ZFYVE19: variants seen among roughly 807,000 people sequenced by gnomAD.
ZFYVE19 encodes the protein zinc finger FYVE-type containing 19.
Under a neutral mutation model 62.8 loss-of-function variants are expected in ZFYVE19, and 49 were observed. That is an observed-to-expected ratio of 0.78 (90% CI 0.62 to 0.99). The LOEUF is 0.99. Ranked by LOEUF, ZFYVE19 falls within the 50% of genes least tolerant of loss-of-function variation. ZFYVE19 has a pLI of 0.00. For missense variants in ZFYVE19, 630 were observed against 601.9 expected (o/e 1.05, Z -0.49); for synonymous variants, 242 against 234.3 (o/e 1.03, Z -0.30).
chr15:40,812,614 AG>A, intron 6 of ZFYVE19, 84 bp from the exon 7 acceptor site: 4 of 962,760 alleles, frequency 4.2e-6, no homozygotes, highest in Non-Finnish European at 6.2e-6. Flanking sequence ...GAAAAAGAAA[AG>A]AAAAGGTTGA....
In ZFYVE19 at chr15:40,807,516, A is replaced by G; in HGVS notation, c.-74A>G. ...GCGCGCGTGAGGACTGCAGGCTCCG[A>G]GCGGCGCCTAGCCCTCTGGGAATTG... On this transcript the variant is annotated 5_prime_UTR_variant, in exon 1 of 11. Transcript: ENST00000355341. The G allele has an allele frequency of 6.2e-7, 1 of 1,606,908 alleles. No homozygotes were observed.
rs764702132 is a variant in ZFYVE19, at chr15:40,810,058, A to G, written c.572-13A>G. The G allele has an allele frequency of 6.8e-6, 11 of 1,614,048 alleles. No homozygotes were observed. Among genetic ancestry groups the G allele is most frequent in the Non-Finnish European group, 8.5e-6 (10 of 1,180,032 alleles). On this transcript the variant is annotated splice_polypyrimidine_tract_variant and intron_variant, in intron 4 of 10. Coordinates refer to ENST00000355341, the MANE Select transcript of ZFYVE19 (RefSeq NM_001077268.2). ...CTCTGGCCCTTACAAGGCTCCCCCC[A>G]TGCCAATTGCAGAGTTAGTCCCCTC... is the stretch of plus-strand genomic sequence containing the variant.
intron 5 of ZFYVE19, 49 bp downstream of exon 5, chr15:40,810,265 CA>C (rs1566837554): frequency 6.2e-7 from 1 of 1,603,676 alleles, no homozygotes; most frequent in Admixed American, 1.7e-5. Context: ...CGGGAGGACC[CA>C]GCAGAAGCCC....
Position 40,809,240 on chromosome 15 carries a change from G to C in ZFYVE19, c.401G>C (p.Arg134Thr). Residue 134 changes from arginine to threonine, a missense_variant and splice_region_variant, in exon 2 of 11, where the codon AGA becomes ACA. Arg to Thr is a moderately conservative substitution (Grantham distance 71, BLOSUM62 -1). Transcript: ENST00000355341. Reference protein sequence around the residue: ...VCKQCHEVLTRGSSANASKWS... With the variant: ...VCKQCHEVLTTGSSANASKWS... ...AAGCAATGCCATGAGGTCCTGACCAGGTAAGAGGCAGGCATGGGTGAAAGT... is the reference window on the plus strand; with the variant it reads ...AAGCAATGCCATGAGGTCCTGACCACGTAAGAGGCAGGCATGGGTGAAAGT... 2 of 1,614,112 alleles carry C rather than the reference G, an allele frequency of 1.2e-6. No individual in the cohort carries two copies. The highest frequency in any genetic ancestry group is 1.7e-6 in the Non-Finnish European group (2 of 1,179,986).
At position 40,807,757 on chromosome 15, in the gene ZFYVE19, C is replaced by T; in HGVS notation, c.168C>T (p.Gly56=). 3.1e-6 allele frequency: 5 copies of T among 1,588,114 alleles called. No individual in the cohort carries two copies. The highest frequency in any genetic ancestry group is 1.1e-5 in the South Asian group (1 of 88,466). ...GGAGCTGGGGTGAGGGTCCAAGGGG[C>T]CCAGGACTTGGCCGGCGTGATCTCA... ...EGRSWGEGPR[G]PGLGRRDLSS... Residue 56 remains glycine, a synonymous_variant, in exon 1 of 11, where the codon GGC becomes GGT. Coordinates refer to ENST00000355341, the MANE Select transcript of ZFYVE19 (RefSeq NM_001077268.2).
intron 1 of ZFYVE19, 63 bp from the exon 2 acceptor site, chr15:40,809,056 G>C: frequency 6.3e-7 from 1 of 1,598,592 alleles, no homozygotes; most frequent in Middle Eastern, 1.7e-4. Flanking sequence ...TGCTTGGAGA[G>C]TCCCTGGGAG....
intron 6 of ZFYVE19, among the ~76,000 whole-genome samples, chr15:40,812,417 G>T (rs1199030594): frequency 6.6e-6 from 1 of 151,804 alleles, no homozygotes; most frequent in East Asian, 1.9e-4. Context: ...ATGGTGTCAC[G>T]TGCCTGTAAT....
At chr15:40,811,849 C>T (rs1890497877) in intron 6 of ZFYVE19, among the ~76,000 whole-genome samples, 1 of 152,190 alleles carries the variant, frequency 6.6e-6, no homozygotes, top group Non-Finnish European at 1.5e-5. Flanking sequence ...TGATTTTAAA[C>T]CTCTTGCTCT....
Position 40,810,057 on chromosome 15 carries a change from C to G in ZFYVE19, c.572-14C>G, listed in dbSNP as rs377215862. On this transcript the variant is annotated splice_polypyrimidine_tract_variant and intron_variant, in intron 4 of 10. Coordinates refer to ENST00000355341, the MANE Select transcript of ZFYVE19 (RefSeq NM_001077268.2). ...CCTCTGGCCCTTACAAGGCTCCCCC[C>G]ATGCCAATTGCAGAGTTAGTCCCCT... The G allele has an allele frequency of 1.5e-4, 247 of 1,614,160 alleles. 2 individuals are homozygous for G. The highest frequency in any genetic ancestry group is 7.8e-5 in the Non-Finnish European group (92 of 1,180,008).
intron 1 of ZFYVE19, chr15:40,808,398 T>C: frequency 1.9e-6 from 3 of 1,594,760 alleles, no homozygotes; most frequent in Non-Finnish European, 2.5e-6. Context: ...GCCTCAGTTG[T>C]GGCCAGGGAT....
chr15:40,812,425 A>G (rs1430445434), intron 6 of ZFYVE19, among the ~76,000 whole-genome samples: 1 of 151,948 alleles, frequency 6.6e-6, no homozygotes, highest in East Asian at 1.9e-4. Context: ...ACGTGCCTGT[A>G]ATCCCAGTTA....
At position 40,814,019 on chromosome 15, in the gene ZFYVE19, C is replaced by T. The variant is rs1890588699; in HGVS notation, c.1286C>T (p.Thr429Ile). 6.2e-7 allele frequency: 1 copy of T among 1,614,036 alleles called. No individual in the cohort carries two copies. Among genetic ancestry groups the T allele is most frequent in the African/African-American group, 1.3e-5 (1 of 75,058 alleles). ...PWCCICNEDATLRCAGCDGDL... is the reference protein window; with the variant it reads ...PWCCICNEDAILRCAGCDGDL... ...TGCTGCATCTGCAATGAGGATGCCA[C>T]CCTACGCTGCGCTGGCTGCGATGGG... The change falls in exon 10 of 11, where the codon ACC becomes ATC. Residue 429 changes from threonine (T) to isoleucine (I), a missense_variant. By Grantham distance (89) the Thr-to-Ile change is moderately conservative. Coordinates refer to ENST00000355341, the MANE Select transcript of ZFYVE19 (RefSeq NM_001077268.2).
rs1890286864 is a variant in ZFYVE19 at position 40,807,556 on chromosome 15, C to T, written c.-34C>T. ...TCTGGGAATTGTGTTCTGGGTCAGG[C>T]TTGACTGACTCTGAGGGAGGCCGGC... On this transcript the variant is annotated 5_prime_UTR_variant, in exon 1 of 11. Coordinates refer to ENST00000355341, the MANE Select transcript of ZFYVE19 (RefSeq NM_001077268.2). 1.2e-6 allele frequency: 2 copies of T among 1,606,440 alleles called. No individual in the cohort carries two copies. Among genetic ancestry groups the T allele is most frequent in the Non-Finnish European group, 1.7e-6 (2 of 1,175,708 alleles).
chr15:40,809,010 C>T, intron 1 of ZFYVE19, 109 bp from the exon 2 acceptor site: 2 of 1,514,300 alleles, frequency 1.3e-6, no homozygotes, highest in South Asian at 2.5e-5. Flanking sequence ...TTCCTCCCAG[C>T]AGCTGGTCAT....
Position 40,813,721 on chromosome 15 carries a change from A to C in ZFYVE19, c.1119A>C (p.Glu373Asp). ...AIQRVLQQLT[E>D]EASLDEASGF... ...CTTCACCCTGTCCGCAGCTCACTGA[A>C]GAAGCTTCCCTGGATGAGGCAAGTG... The change falls in exon 9 of 11, where the codon GAA (glutamate) becomes GAC (aspartate). Residue 373 changes from glutamate to aspartate, a missense_variant. Coordinates refer to ENST00000355341, the MANE Select transcript of ZFYVE19 (RefSeq NM_001077268.2). 2 of 1,613,474 alleles carry C rather than the reference A, an allele frequency of 1.2e-6. No homozygotes were observed. The highest frequency in any genetic ancestry group is 1.7e-6 in the Non-Finnish European group (2 of 1,179,786).
intron 5 of ZFYVE19, 29 bp downstream of exon 5, chr15:40,810,245 G>A (rs755433937): frequency 1.9e-6 from 3 of 1,612,240 alleles, no homozygotes; most frequent in African/African-American, 2.7e-5. Flanking sequence ...GAGAGAAGCG[G>A]GGGTGCTAGC....
chr15:40,812,503 A>G (rs34817886), intron 6 of ZFYVE19, among the ~76,000 whole-genome samples, 196 bp from the exon 7 acceptor site: 57,460 of 148,534 alleles, frequency 0.39, 11,379 homozygotes, highest in Middle Eastern at 0.49. Context: ...CTGAGATTGC[A>G]CCACTGCACT....
rs761485835 is a variant in ZFYVE19 at position 40,807,779 on chromosome 15, C to G, written c.190C>G (p.Leu64Val). ...PRGPGLGRRDLSSADPAVLGA... is the reference protein window; with the variant it reads ...PRGPGLGRRDVSSADPAVLGA... ...GGGCCCAGGACTTGGCCGGCGTGAT[C>G]TCAGCTCTGCAGACCCTGCGGTGCT... The change falls in exon 1 of 11, where the codon CTC becomes GTC. Residue 64 changes from leucine (L) to valine (V), a missense_variant. By Grantham distance (32) the Leu-to-Val change is conservative (BLOSUM62 1). Transcript: ENST00000355341. 2 of 1,578,946 alleles carry G rather than the reference C, an allele frequency of 1.3e-6. No individual in the cohort carries two copies. The highest frequency in any genetic ancestry group is 1.3e-5 in the African/African-American group (1 of 74,558).
At chr15:40,808,305 T>G (rs775090638) in intron 1 of ZFYVE19, 1 of 1,597,816 alleles carries the variant, frequency 6.3e-7, no homozygotes. Context: ...TCCTCCTGCT[T>G]CCGGGGCACC....
Sources: allele counts gnomAD v4.1 joint callset (sites outside exome capture counted in the v4.1 genomes callset), GRCh38; gene constraint gnomAD v4.1.1; transcripts MANE v1.5; gene names NCBI Gene and HGNC (gene_info 2026-07-23, HGNC 2026-07-21).